Variants in CTPS2 observed in about 807,000 individuals in gnomAD.
CTPS2 encodes the protein CTP synthase 2, also known as CTP synthase II.
CTPS2 carries 19 observed loss-of-function variants against 46.8 expected under a neutral mutation model. The ratio of observed to expected loss-of-function variants is 0.41; its 90% CI spans 0.28 to 0.60. The LOEUF is 0.60. CTPS2 is among the 20% of genes least tolerant of loss of function. The pLI, the probability that CTPS2 is intolerant of heterozygous loss-of-function variation, is 0.35. For missense variants in CTPS2, 286 were observed against 447.6 expected (o/e 0.64, Z 3.26); for synonymous variants, 151 against 165.2 (o/e 0.91, Z 0.66).
chrX:16,643,353 C>T (rs1227638811), intron 13 of CTPS2, among the ~76,000 whole-genome samples: 2 of 111,434 alleles, frequency 1.8e-5, no homozygotes, highest in Non-Finnish European at 3.8e-5. Flanking sequence ...AGGCAACATA[C>T]AGCAATTTCC....
At chrX:16,608,490 AG>A (rs1930102613) in intron 17 of CTPS2, among the ~76,000 whole-genome samples, 1 of 111,128 alleles carries the variant, frequency 9.0e-6, no homozygotes, top group Admixed American at 9.7e-5. Context: ...GCTAATTGGG[AG>A]ACTGAGGCAG....
intron 17 of CTPS2, among the ~76,000 whole-genome samples, chrX:16,593,408 G>A (rs1424390462): frequency 1.1e-5 from 1 of 89,296 alleles, no homozygotes; most frequent in African/African-American, 4.5e-5. Context: ...CAGCCTGGGC[G>A]ACAGAGCAAG....
At chrX:16,630,506 G>A (rs1324842618) in intron 14 of CTPS2, among the ~76,000 whole-genome samples, 3 of 110,121 alleles carry the variant, frequency 2.7e-5, no homozygotes, top group Non-Finnish European at 5.7e-5. Context: ...CGCCCACCTC[G>A]GCCTCCCAAA....
At chrX:16,654,165 A>G (rs1030115371) in intron 13 of CTPS2, among the ~76,000 whole-genome samples, 6 of 112,620 alleles carry the variant, frequency 5.3e-5, no homozygotes, top group African/African-American at 1.3e-4. Flanking sequence ...TAAAATACGC[A>G]TTGTATTAAA....
chrX:16,638,656 C>A (rs1235045442), intron 14 of CTPS2: 1 of 185,295 alleles, frequency 5.4e-6, no homozygotes, highest in Non-Finnish European at 1.0e-5. Context: ...CATCTCCCCA[C>A]ACTGGGGCTG....
intron 16 of CTPS2, among the ~76,000 whole-genome samples, chrX:16,613,375 G>A (rs1201561382): frequency 1.8e-5 from 2 of 111,769 alleles, no homozygotes; most frequent in Non-Finnish European, 3.8e-5. Context: ...AAGCAGGAAG[G>A]AGATTGAGGA....
At chrX:16,625,305 T>C (rs966088552) in intron 14 of CTPS2, among the ~76,000 whole-genome samples, 2 of 112,599 alleles carry the variant, frequency 1.8e-5, no homozygotes, top group Non-Finnish European at 3.8e-5. Context: ...ACAAATACTG[T>C]ATGATTCTAC....
chrX:16,656,462 T>C (rs1441574118), intron 13 of CTPS2, among the ~76,000 whole-genome samples: 1 of 108,029 alleles, frequency 9.3e-6, no homozygotes, highest in East Asian at 2.9e-4. Context: ...CAGGCTGGAG[T>C]GCAGTGGCGC....
chrX:16,609,621 G>A lies in CTPS2; in HGVS notation c.1611C>T (p.Ser537=). The A allele has an allele frequency of 3.3e-6, 4 of 1,211,080 alleles. No individual in the cohort carries two copies. Among genetic ancestry groups the A allele is most frequent in the South Asian group, 1.8e-5 (1 of 56,952 alleles). ...PEFSSRPMKP[S]PPYLGLLLAA... ...CAAGTAACAGCCCCAGATACGGAGGGGAAGGCTTCATCGGCCTAGAAGAAA... is the reference window on the plus strand; with the variant it reads ...CAAGTAACAGCCCCAGATACGGAGGAGAAGGCTTCATCGGCCTAGAAGAAA... The change falls in exon 17 of 19, where the codon TCC becomes TCT. Residue 537 remains serine, a synonymous_variant. Coordinates refer to ENST00000359276, the MANE Select transcript of CTPS2 (RefSeq NM_175859.3).
At chrX:16,651,654 A>C (rs1384383948) in intron 13 of CTPS2, among the ~76,000 whole-genome samples, 1 of 112,328 alleles carries the variant, frequency 8.9e-6, no homozygotes, top group Non-Finnish European at 1.9e-5. Flanking sequence ...ATTTGTGTTC[A>C]TCACTTAAAT....
intron 4 of CTPS2, among the ~76,000 whole-genome samples, chrX:16,695,693 A>G (rs1252024483): frequency 9.1e-6 from 1 of 109,693 alleles, no homozygotes; most frequent in African/African-American, 3.3e-5. Context: ...CTGGGACTAT[A>G]GGCGCCCACC....
At chrX:16,686,008 G>A (rs1262210403) in intron 8 of CTPS2, among the ~76,000 whole-genome samples, 1 of 110,290 alleles carries the variant, frequency 9.1e-6, no homozygotes, top group Non-Finnish European at 1.9e-5. Context: ...CTCCATGATA[G>A]AGGCTGTTCC....
At chrX:16,668,574 G>C (rs113910628) in intron 11 of CTPS2, among the ~76,000 whole-genome samples, 13,808 of 102,234 alleles carry the variant, frequency 0.14, 848 homozygotes, top group East Asian at 0.25. Context: ...GACAGAGCGA[G>C]ACTCTGTCTC....
chrX:16,700,711 G>T (rs1030941888), intron 2 of CTPS2, among the ~76,000 whole-genome samples: 1 of 110,862 alleles, frequency 9.0e-6, no homozygotes, highest in Non-Finnish European at 1.9e-5. Context: ...TTACATGGGG[G>T]CTATGAGTCA....
At chrX:16,608,471 G>A (rs1052949104) in intron 17 of CTPS2, among the ~76,000 whole-genome samples, 1 of 110,621 alleles carries the variant, frequency 9.0e-6, no homozygotes, top group African/African-American at 3.3e-5. Context: ...GTGTGTGCCT[G>A]TAGTCCCAGC....
At position 16,689,505 on chromosome X, in the gene CTPS2, G is replaced by A; in HGVS notation, c.817C>T (p.Pro273Ser). 1 of 1,210,172 alleles carries A rather than the reference G, an allele frequency of 8.3e-7. No individual in the cohort carries two copies. Among genetic ancestry groups the A allele is most frequent in the Non-Finnish European group, 1.1e-6 (1 of 894,452 alleles). ...VKYFKERLHL[P>S]IGDSASNLLF... ...AAATTACTTGCAGAATCACCGATGGGCAGGTGCAATCTCTCCTTAAAATAT... is the reference window on the plus strand; with the variant it reads ...AAATTACTTGCAGAATCACCGATGGACAGGTGCAATCTCTCCTTAAAATAT... Residue 273 changes from proline to serine, a missense_variant, in exon 8 of 19, where the codon CCC becomes TCC. Pro to Ser is a moderately conservative substitution (Grantham distance 74, BLOSUM62 -1). Coordinates refer to ENST00000359276, the MANE Select transcript of CTPS2 (RefSeq NM_175859.3).
At chrX:16,601,772 C>A (rs1929683114) in intron 17 of CTPS2, among the ~76,000 whole-genome samples, 1 of 111,659 alleles carries the variant, frequency 9.0e-6, no homozygotes, top group Admixed American at 9.5e-5. Context: ...CTACCATAGA[C>A]CAGGCACTAC....
chrX:16,638,830 A>C, intron 14 of CTPS2: 1 of 425,114 alleles, frequency 2.4e-6, no homozygotes, highest in Non-Finnish European at 4.6e-6. Context: ...AATCAGTCCA[A>C]GTCCCAGTCC....
intron 17 of CTPS2, among the ~76,000 whole-genome samples, chrX:16,603,714 CT>C (rs911393503): frequency 3.7e-5 from 4 of 109,197 alleles, no homozygotes; most frequent in Admixed American, 9.8e-5. Context: ...TTTGTGGGTG[CT>C]TTTTTTTTCT....
Sources: allele counts gnomAD v4.1 joint callset (sites outside exome capture counted in the v4.1 genomes callset), GRCh38; gene constraint gnomAD v4.1.1; transcripts MANE v1.5; gene names NCBI Gene and HGNC (gene_info 2026-07-23, HGNC 2026-07-21).